The following EXPH5 variants were observed in gnomAD, a reference collection of about 807,000 sequenced individuals.
EXPH5 encodes the protein exophilin 5, also known as exophilin-5.
Under a neutral mutation model 41.1 loss-of-function variants are expected in EXPH5, and 42 were observed. The ratio of observed to expected loss-of-function variants is 1.02; its 90% CI spans 0.80 to 1.32. The LOEUF (loss-of-function observed/expected upper bound fraction) is 1.32. Ranked by LOEUF, EXPH5 falls within the 40% of genes most tolerant of loss-of-function variation. EXPH5 has a pLI of 0.00. For synonymous variants in EXPH5, 798 were observed against 833.5 expected, an observed-to-expected ratio of 0.96 and a Z score of 0.73; for missense variants, 2,298 against 2,314.5, an observed-to-expected ratio of 0.99 and a Z score of 0.15.
At chr11:108,559,749 A>G (rs541606675) in intron 1 of EXPH5, among the ~76,000 whole-genome samples, 7 of 152,338 alleles carry the variant, frequency 4.6e-5, no homozygotes, top group African/African-American at 1.7e-4. Flanking sequence ...GGAAAAGAAG[A>G]CAGAAAGAGC....
At chr11:108,532,308 G>A (rs777470598) in intron 3 of EXPH5, among the ~76,000 whole-genome samples, 94 of 121,806 alleles carry the variant, frequency 7.7e-4, no homozygotes, top group Non-Finnish European at 1.3e-3. Flanking sequence ...CTCCTGAGTA[G>A]CTAGGACTAC....
At chr11:108,547,376 T>C (rs1255733496) in intron 1 of EXPH5, among the ~76,000 whole-genome samples, 2 of 152,058 alleles carry the variant, frequency 1.3e-5, no homozygotes, top group Non-Finnish European at 2.9e-5. Flanking sequence ...TTATTTTTTG[T>C]AGAGATGGAG....
chr11:108,583,345 C>T (rs2094104100), intron 1 of EXPH5, among the ~76,000 whole-genome samples: 2 of 150,550 alleles, frequency 1.3e-5, no homozygotes, highest in Admixed American at 1.3e-4. Context: ...GCACTCCAGC[C>T]TGGGCGATAG....
intron 5 of EXPH5, among the ~76,000 whole-genome samples, chr11:108,516,664 T>A (rs1200422958): frequency 6.6e-6 from 1 of 152,192 alleles, no homozygotes; most frequent in Non-Finnish European, 1.5e-5. Context: ...TTTAAAAAAA[T>A]CTGTTCTGGA....
rs559752059 is a variant in EXPH5, at chr11:108,587,015, G to A, written c.119+6403C>T. Among the ~76,000 whole-genome samples, 4 of 152,262 alleles carry A rather than the reference G, an allele frequency of 2.6e-5. No homozygotes were observed. The South Asian group carries it at 6.2e-4, about 24-fold the overall frequency. On this transcript the variant is annotated intron_variant, in intron 1 of 5. Transcript: ENST00000265843. ...AAGGTGAAGGAGAGAATCCACCCAC[G>A]TTTACGAAAGACCATGCCTTAGCTA... is the stretch of plus-strand genomic sequence containing the variant.
At chr11:108,561,014 C>T (rs958666998) in intron 1 of EXPH5, among the ~76,000 whole-genome samples, 4 of 152,116 alleles carry the variant, frequency 2.6e-5, no homozygotes, top group African/African-American at 9.7e-5. Context: ...AGCTTTGTTA[C>T]ATGATATAAA....
rs376266268 is a variant in EXPH5 at position 108,511,229 on chromosome 11, A to C, written c.4278T>G (p.Ser1426Arg). 6.2e-6 allele frequency: 10 copies of C among 1,611,756 alleles called. No individual in the cohort carries two copies. The African/African-American group carries it at 1.3e-4, about 22-fold the overall frequency. Residue 1426 changes from serine to arginine, a missense_variant, in exon 6 of 6, where the codon AGT becomes AGG. Physicochemically the swap from Ser to Arg is moderately radical, Grantham distance 110. Transcript: ENST00000265843. ...SINSSNSGPS[S>R]LPALSEVNIG... Reference sequence around the variant, plus strand: ...TATTAACTTCTGAAAGAGCTGGAAGACTAGAGGGACCACTGTTACTTGAAT... The same window carrying C: ...TATTAACTTCTGAAAGAGCTGGAAGCCTAGAGGGACCACTGTTACTTGAAT...
intron 3 of EXPH5, among the ~76,000 whole-genome samples, chr11:108,530,727 G>A (rs543076038): frequency 1.3e-5 from 2 of 152,324 alleles, no homozygotes; most frequent in East Asian, 1.9e-4. Flanking sequence ...TCTGAGAATG[G>A]CAGGTGTGTG....
At chr11:108,528,302 C>T in intron 3 of EXPH5, 118 bp from the exon 4 acceptor site, 4 of 672,194 alleles carry the variant, frequency 6.0e-6, no homozygotes. Flanking sequence ...ATTTCTAATT[C>T]ACTGTAGAAA....
At chr11:108,565,103 A>T (rs992611841) in intron 1 of EXPH5, among the ~76,000 whole-genome samples, 14 of 151,898 alleles carry the variant, frequency 9.2e-5, no homozygotes, top group African/African-American at 3.1e-4. Context: ...ATGGGGTTTC[A>T]TCATGTTGGC....
chr11:108,530,628 C>T (rs553740742), intron 3 of EXPH5, among the ~76,000 whole-genome samples: 1 of 152,322 alleles, frequency 6.6e-6, no homozygotes, highest in East Asian at 1.9e-4. Flanking sequence ...TGCTGGGCTA[C>T]AGCCCTCATG....
At position 108,593,739 on chromosome 11, in the gene EXPH5, T is replaced by C. The variant is rs765442494; in HGVS notation, c.-203A>G. The C allele has an allele frequency of 1.6e-5, 25 of 1,536,520 alleles. No individual in the cohort carries two copies. The South Asian group carries it at 2.8e-4, about 18-fold the overall frequency. ...TGACAATACCTTAATGACATGTTTC[T>C]CTCAACCTGTCCAACCGAGATGCAA... On this transcript the variant is annotated 5_prime_UTR_variant, in exon 1 of 6. Transcript: ENST00000265843.
chr11:108,549,589 T>C (rs1208781005), intron 1 of EXPH5, among the ~76,000 whole-genome samples: 1 of 152,220 alleles, frequency 6.6e-6, no homozygotes, highest in Non-Finnish European at 1.5e-5. Context: ...ACGTGCTCAG[T>C]AAATGATAGC....
chr11:108,588,903 C>A (rs2094120896), intron 1 of EXPH5, among the ~76,000 whole-genome samples: 1 of 152,182 alleles, frequency 6.6e-6, no homozygotes, highest in Non-Finnish European at 1.5e-5. Flanking sequence ...GAAAATGTAT[C>A]TGAGAGGAAG....
In EXPH5 at chr11:108,569,582, G is replaced by A. The variant is rs185134429; in HGVS notation, c.119+23836C>T. On this transcript the variant is annotated intron_variant, in intron 1 of 5. Transcript: ENST00000265843. ...TCTCGAACTCCTCACCTCGTGATCC[G>A]CCCTCTTCAGCCTCCAAAAATGCTG... Among the ~76,000 whole-genome samples the A allele has an allele frequency of 2.1e-3, 322 of 152,170 alleles. 2 individuals are homozygous for A. Among genetic ancestry groups the A allele is most frequent in the African/African-American group, 7.2e-3 (299 of 41,518 alleles).
At chr11:108,593,800 G>T, upstream of EXPH5, 4 of 1,506,968 alleles carry the variant, frequency 2.7e-6, no homozygotes, top group Non-Finnish European at 3.6e-6. Flanking sequence ...AACCAATCCC[G>T]TTCCAAGGGG....
rs1283393446 is a variant in EXPH5 at position 108,511,316 on chromosome 11, T to C, written c.4191A>G (p.Ser1397=). ...KKLQSETLHT[S]LMLQRKNVSE... ...ATACATTTTTTCTCTGAAGCATCAA[T>C]GAAGTATGCAGGGTTTCACTTTGCA... Residue 1397 remains serine, a synonymous_variant, in exon 6 of 6, where the codon TCA becomes TCG. Coordinates refer to ENST00000265843, the MANE Select transcript of EXPH5 (RefSeq NM_015065.3). 4 of 1,599,858 alleles carry C rather than the reference T, an allele frequency of 2.5e-6. No homozygotes were observed. The Admixed American group carries it at 5.2e-5, about 21-fold the overall frequency.
chr11:108,605,865 G>T, the EXPH5 span, among the ~76,000 whole-genome samples: 1 of 152,226 alleles, frequency 6.6e-6, no homozygotes. Context: ...TGTGAGGCAG[G>T]ATTGCAGCAG....
intron 1 of EXPH5, among the ~76,000 whole-genome samples, chr11:108,586,109 T>G (rs2094112116): frequency 6.6e-6 from 1 of 152,002 alleles, no homozygotes; most frequent in Admixed American, 6.6e-5. Flanking sequence ...TGGCTAATTT[T>G]TGTATTTTTA....
Sources: gnomAD v4.1 joint callset for allele counts (sites outside exome capture counted in the v4.1 genomes callset) on GRCh38, gnomAD v4.1.1 for gene constraint, MANE v1.5 for transcripts, NCBI Gene and HGNC (gene_info 2026-07-23, HGNC 2026-07-21) for gene names.